The following ACLY variants were observed in gnomAD, a reference collection of about 807,000 sequenced individuals.
ACLY encodes the protein ATP citrate lyase.
Under a neutral mutation model 133.0 loss-of-function variants are expected in ACLY, and 41 were observed. That is an observed-to-expected ratio of 0.31 (90% CI 0.24 to 0.40). The LOEUF (loss-of-function observed/expected upper bound fraction) is 0.40, where lower values mean the gene tolerates loss of function less well. Ranked by LOEUF, ACLY falls within the 10% of genes least tolerant of loss-of-function variation. The pLI, the probability that ACLY is intolerant of heterozygous loss-of-function variation, is 1.00. For synonymous variants in ACLY, 495 were observed against 549.3 expected (o/e 0.90, Z 1.38); for missense variants, 1,046 against 1,453.8 (o/e 0.72, Z 4.56).
chr17:41,924,906 C>G (rs1426672241), intron 1 of ACLY, among the ~76,000 whole-genome samples: 9 of 152,148 alleles, frequency 5.9e-5, no homozygotes, highest in African/African-American at 1.9e-4. Context: ...TCCTCCCCAC[C>G]AGGTATGTTC....
chr17:41,912,464 C>A lies in ACLY; in HGVS notation c.238G>T (p.Gly80Trp). The A allele has an allele frequency of 1.9e-6, 3 of 1,614,250 alleles. No homozygotes were observed. Among genetic ancestry groups the A allele is most frequent in the Non-Finnish European group, 2.5e-6 (3 of 1,180,034 alleles). The change falls in exon 3 of 29, where the codon GGG (glycine) becomes TGG (tryptophan). Residue 80 changes from glycine to tryptophan, a missense_variant. Physicochemically the swap from Gly to Trp is radical, Grantham distance 184. Coordinates refer to ENST00000352035, the MANE Select transcript of ACLY (RefSeq NM_001096.3). ...CGTGGCTTCAGCCAGGACTTGACCC[C>A]ATCCAGAGTGAGGTTGACCCCAACG... ...GLVGVNLTLD[G>W]VKSWLKPRLG... is the part of the protein sequence containing the mutation.
At position 41,878,769 on chromosome 17, in the gene ACLY, G is replaced by C. The variant is rs368177442; in HGVS notation, c.2393+28C>G. On this transcript the variant is annotated intron_variant, in intron 21 of 28. Coordinates refer to ENST00000352035, the MANE Select transcript of ACLY (RefSeq NM_001096.3). ...GGAGGGATTTGGAAAGGAGGGGGAGGCCGGCATCCTCCCCAAGGTCCACTT... is the reference window on the plus strand; with the variant it reads ...GGAGGGATTTGGAAAGGAGGGGGAGCCCGGCATCCTCCCCAAGGTCCACTT... The C allele has an allele frequency of 8.7e-6, 14 of 1,612,508 alleles. No individual in the cohort carries two copies. The African/African-American group carries it at 1.9e-4, about 22-fold the overall frequency.
chr17:41,868,436 C>CAAAAAAAA (rs10639270), intron 28 of ACLY, among the ~76,000 whole-genome samples: 1 of 102,830 alleles, frequency 9.7e-6, no homozygotes, highest in Non-Finnish European at 1.9e-5. Flanking sequence ...GACTCAGTCT[C>CAAAAAAAA]AAAAAAAAAA....
At chr17:41,884,167 T>C in intron 19 of ACLY, 26 bp downstream of exon 19, 1 of 1,422,670 alleles carries the variant, frequency 7.0e-7, no homozygotes, top group South Asian at 1.2e-5. Context: ...TTTAAAATCA[T>C]AATTTTTTTT....
intron 11 of ACLY, among the ~76,000 whole-genome samples, chr17:41,899,777 C>T (rs2049475668): frequency 6.6e-6 from 1 of 152,050 alleles, no homozygotes; most frequent in Admixed American, 6.6e-5. Context: ...AAACAAAAGG[C>T]TCACACCTGT....
intron 15 of ACLY, 69 bp from the exon 16 acceptor site, chr17:41,892,516 G>C: frequency 1.2e-5 from 16 of 1,390,038 alleles, no homozygotes; most frequent in African/African-American, 1.4e-5. Flanking sequence ...GAAGCTGAGG[G>C]GAGGAATTTC....
At chr17:41,869,719 T>C (rs913149530) in intron 25 of ACLY, 132 bp from the exon 26 acceptor site, 2 of 664,198 alleles carry the variant, frequency 3.0e-6, no homozygotes, top group Non-Finnish European at 5.3e-6. Context: ...ACGTGTACCA[T>C]TCCATGTGGC....
At chr17:41,870,963 A>T (rs2048582716) in intron 25 of ACLY, among the ~76,000 whole-genome samples, 1 of 152,196 alleles carries the variant, frequency 6.6e-6, no homozygotes, top group Non-Finnish European at 1.5e-5. Context: ...CCCTCAGTGG[A>T]TGTAGTGTGA....
At chr17:41,901,866 A>T (rs782139893) in intron 10 of ACLY, 53 bp from the exon 11 acceptor site, 45 of 1,367,144 alleles carry the variant, frequency 3.3e-5, no homozygotes, top group Non-Finnish European at 4.4e-5. Context: ...CAAGTCAATG[A>T]TTTATAACCG....
At chr17:41,879,408 C>G (rs565819309) in intron 20 of ACLY, among the ~76,000 whole-genome samples, 5 of 149,098 alleles carry the variant, frequency 3.4e-5, no homozygotes, top group Admixed American at 2.7e-4. Context: ...GCCTGCCCCC[C>G]CCGCCTTTTT....
chr17:41,873,718 C>G lies in ACLY; in HGVS notation c.2642+93G>C, dbSNP rs993839134. On this transcript the variant is annotated intron_variant, in intron 23 of 28. Coordinates refer to ENST00000352035, the MANE Select transcript of ACLY (RefSeq NM_001096.3). Reference sequence around the variant, plus strand: ...GCCCCAAAGATTGATCTTGGACACACTCCCCAGGCCTGTCCACTCCCACCC... The same window carrying G: ...GCCCCAAAGATTGATCTTGGACACAGTCCCCAGGCCTGTCCACTCCCACCC... 1.5e-5 allele frequency: 20 copies of G among 1,353,654 alleles called. No individual in the cohort carries two copies. In the African/African-American group the frequency reaches 3.0e-4, roughly 20 times the overall value. The allele number at this position is 1,353,654 out of a possible 1,614,324, so 83.9% of individuals were successfully genotyped here.
chr17:41,894,216 CAAA>C (rs58375126), intron 14 of ACLY, among the ~76,000 whole-genome samples: 18 of 102,650 alleles, frequency 1.8e-4, no homozygotes, highest in Non-Finnish European at 1.2e-4. Flanking sequence ...GACTCCATCT[CAAA>C]AAAAAAAAAA....
chr17:41,920,452 T>A (rs1220486925), upstream of ACLY, among the ~76,000 whole-genome samples: 3 of 151,862 alleles, frequency 2.0e-5, no homozygotes, highest in Non-Finnish European at 4.4e-5. Flanking sequence ...TAGCCAGGCA[T>A]GGTGGCACAC....
Position 41,897,761 on chromosome 17 carries a change from C to T in ACLY, c.1417G>A (p.Ala473Thr). Reference sequence around the variant, plus strand: ...CTCAGGGAGTTACCTTGTGGCATGGCAGGCTTGGCCTTCTTTGCAGGCGCC... The same window carrying T: ...CTCAGGGAGTTACCTTGTGGCATGGTAGGCTTGGCCTTCTTTGCAGGCGCC... ...EVAPAKKAKP[A>T]MPQDSVPSPR... Residue 473 changes from alanine (A) to threonine (T), a missense_variant, in exon 13 of 29, where the codon GCC (alanine) becomes ACC (threonine). Physicochemically the swap from Ala to Thr is moderately conservative, Grantham distance 58. Transcript: ENST00000352035. 2 of 1,612,214 alleles carry T rather than the reference C, an allele frequency of 1.2e-6. No homozygotes were observed. Among genetic ancestry groups the T allele is most frequent in the Admixed American group, 1.7e-5 (1 of 59,712 alleles).
At chr17:41,907,041 T>C (rs1312386513) in intron 7 of ACLY, among the ~76,000 whole-genome samples, 1 of 152,116 alleles carries the variant, frequency 6.6e-6, no homozygotes, top group Non-Finnish European at 1.5e-5. Context: ...GCCTCTTCCC[T>C]GGGCCTGGGG....
chr17:41,910,868 G>A (rs1171856765), intron 3 of ACLY, among the ~76,000 whole-genome samples: 1 of 152,166 alleles, frequency 6.6e-6, no homozygotes, highest in African/African-American at 2.4e-5. Flanking sequence ...ACCCCCGCCT[G>A]GCCTGTGCGT....
At chr17:41,896,003 A>G (rs1555630242) in intron 14 of ACLY, among the ~76,000 whole-genome samples, 2 of 151,948 alleles carry the variant, frequency 1.3e-5, no homozygotes, top group Non-Finnish European at 2.9e-5. Context: ...ACCCCTTCCA[A>G]TTACCCAGTC....
At chr17:41,911,659 T>C (rs935268746) in intron 3 of ACLY, among the ~76,000 whole-genome samples, 1 of 151,836 alleles carries the variant, frequency 6.6e-6, no homozygotes, top group South Asian at 2.1e-4. Context: ...TATAAAAAAA[T>C]GTTAAAAAGC....
At chr17:41,900,027 C>A (rs1317294859) in intron 11 of ACLY, among the ~76,000 whole-genome samples, 2 of 138,404 alleles carry the variant, frequency 1.4e-5, no homozygotes, top group Non-Finnish European at 3.0e-5. Context: ...TGTGATCACA[C>A]CACCGCACTC....
Sources: allele counts gnomAD v4.1 joint callset (sites outside exome capture counted in the v4.1 genomes callset), GRCh38; gene constraint gnomAD v4.1.1; transcripts MANE v1.5; gene names NCBI Gene and HGNC (gene_info 2026-07-23, HGNC 2026-07-21).